The following RCHY1 variants were observed in gnomAD, a reference collection of about 807,000 sequenced individuals.
RCHY1 encodes the protein ring finger and CHY zinc finger domain containing 1.
A neutral mutation model predicts 41.6 loss-of-function variants in RCHY1; 21 were observed. The observed-to-expected ratio is 0.51, with a 90% CI of 0.36 to 0.73. RCHY1 has a LOEUF of 0.73. Ranked by LOEUF, RCHY1 falls within the 30% of genes least tolerant of loss-of-function variation. RCHY1 has a pLI of 0.00. For missense variants in RCHY1, 265 were observed against 325.3 expected (o/e 0.81, Z 1.43); for synonymous variants, 79 against 102.9 (o/e 0.77, Z 1.41).
Position 75,491,603 on chromosome 4 carries a change from A to ACACT in RCHY1, c.536+4_536+7dup. On this transcript the variant is annotated splice_region_variant and intron_variant, in intron 7 of 8. Transcript: ENST00000324439. ...CTTACAATTATTTTTAAAATCCCAA[A>ACACT]CACTCACTCTTTCAACATTTCTTCA... The ACACT allele has an allele frequency of 1.2e-6, 2 of 1,600,124 alleles. No homozygotes were observed. Among genetic ancestry groups the ACACT allele is most frequent in the Non-Finnish European group, 1.7e-6 (2 of 1,168,668 alleles).
At chr4:75,485,176 G>A (rs1267872008) in intron 8 of RCHY1, among the ~76,000 whole-genome samples, 1 of 152,192 alleles carries the variant, frequency 6.6e-6, no homozygotes, top group African/African-American at 2.4e-5. Flanking sequence ...CTGTGCCCAG[G>A]CATGGACATG....
At chr4:75,502,529 G>A (rs1288935019) in intron 3 of RCHY1, among the ~76,000 whole-genome samples, 1 of 152,066 alleles carries the variant, frequency 6.6e-6, no homozygotes, top group East Asian at 1.9e-4. Context: ...GCCAGAGTGA[G>A]ACTCCGTCTC....
chr4:75,508,718 T>G, intron 3 of RCHY1, 102 bp downstream of exon 3: 1 of 586,964 alleles, frequency 1.7e-6, no homozygotes, highest in South Asian at 2.8e-5. Flanking sequence ...AAAATGAATG[T>G]ATCTTATCAG....
intron 3 of RCHY1, among the ~76,000 whole-genome samples, chr4:75,507,669 C>T (rs1003959300): frequency 6.6e-6 from 1 of 151,768 alleles, no homozygotes; most frequent in Admixed American, 6.6e-5. Flanking sequence ...AAAAACTCAT[C>T]GAAAGAAAGC....
chr4:75,514,063 C>T, intron 1 of RCHY1, 134 bp downstream of exon 1: 2 of 1,394,780 alleles, frequency 1.4e-6, no homozygotes, highest in Non-Finnish European at 9.6e-7. Context: ...CAAGAAGAAC[C>T]CAGTTCCAGG....
intron 8 of RCHY1, among the ~76,000 whole-genome samples, chr4:75,487,338 G>C (rs1055785396): frequency 9.3e-5 from 14 of 150,568 alleles, no homozygotes; most frequent in African/African-American, 2.9e-4. Context: ...GTCTCACGCT[G>C]TCTCAGGACT....
rs190956013 is a variant in RCHY1 at position 75,485,791 on chromosome 4, A to G, written c.658-3125T>C. 2.0e-3 allele frequency among the ~76,000 whole-genome samples: 302 copies of G among 152,332 alleles called. 1 individual carries two copies. Among genetic ancestry groups the G allele is most frequent in the African/African-American group, 7.1e-3 (295 of 41,584 alleles). On this transcript the variant is annotated intron_variant, in intron 8 of 8. Transcript: ENST00000324439. ...CCAGCAAATGAGAATCCTTTAGGAA[A>G]GCTCTAAGATCTGCTTCTGTCTGTG...
intron 3 of RCHY1, among the ~76,000 whole-genome samples, chr4:75,503,313 C>G (rs1436518087): frequency 1.3e-5 from 2 of 152,036 alleles, no homozygotes; most frequent in Non-Finnish European, 2.9e-5. Context: ...ATCCTATAAG[C>G]AATAAATCAG....
intron 3 of RCHY1, among the ~76,000 whole-genome samples, chr4:75,497,141 G>A (rs746008297): frequency 2.6e-5 from 4 of 152,054 alleles, no homozygotes; most frequent in Admixed American, 6.6e-5. Context: ...GAAACTATCC[G>A]AAATGAAATA....
Position 75,490,712 on chromosome 4 carries a change from TAGAA to T in RCHY1, c.537-15_537-12del, listed in dbSNP as rs1373633544. The T allele has an allele frequency of 1.0e-5, 16 of 1,589,516 alleles. No homozygotes were observed. Among genetic ancestry groups the T allele is most frequent in the Non-Finnish European group, 1.4e-5 (16 of 1,166,140 alleles). On this transcript the variant is annotated splice_polypyrimidine_tract_variant and intron_variant, in intron 7 of 8. Coordinates refer to ENST00000324439, the MANE Select transcript of RCHY1 (RefSeq NM_015436.4). ...GGACATCTGTAGCCTCTGAAAGAGA[TAGAA>T]AGGTTATTTTCCAAATATTAAACAA... is the stretch of plus-strand genomic sequence containing the variant.
At chr4:75,513,426 G>T (rs7664140) in intron 1 of RCHY1, among the ~76,000 whole-genome samples, 103,154 of 152,060 alleles carry the variant, frequency 0.68, 36,103 homozygotes, top group African/African-American at 0.86. Flanking sequence ...AAACAGGCGC[G>T]ATCATCTCCA....
At chr4:75,505,601 A>G (rs1480191986) in intron 3 of RCHY1, among the ~76,000 whole-genome samples, 1 of 152,148 alleles carries the variant, frequency 6.6e-6, no homozygotes. Flanking sequence ...TTAGAAACAG[A>G]GCTCAGTAAA....
At chr4:75,514,457 A>C (rs1261777693), upstream of RCHY1, 3 of 684,268 alleles carry the variant, frequency 4.4e-6, no homozygotes, top group East Asian at 5.6e-5. Context: ...CGGGGCTACG[A>C]GGCGGAAGCG....
chr4:75,491,496 AT>A (rs1415310202), intron 7 of RCHY1, 114 bp downstream of exon 7: 2 of 885,166 alleles, frequency 2.3e-6, no homozygotes. Context: ...CCATTTCAAT[AT>A]AAATATTGCC....
rs552193355 is a variant in RCHY1 at position 75,506,022 on chromosome 4, G to A, written c.326+2798C>T. On this transcript the variant is annotated intron_variant, in intron 3 of 8. Coordinates refer to ENST00000324439, the MANE Select transcript of RCHY1 (RefSeq NM_015436.4). ...TTGGAGTCCAGATTCCACCACGAAA[G>A]AGATGGGCCTGGTAAACAACCCTAG... Among the ~76,000 whole-genome samples, 87 of 149,256 alleles carry A rather than the reference G, an allele frequency of 5.8e-4. 2 individuals are homozygous for A. The highest frequency in any genetic ancestry group is 3.0e-5 in the Non-Finnish European group (2 of 67,696).
In RCHY1 at chr4:75,480,350, A is replaced by G. The variant is rs1228970652; in HGVS notation, c.*2188T>C. On this transcript the variant is annotated 3_prime_UTR_variant, in exon 9 of 9. Coordinates refer to ENST00000324439, the MANE Select transcript of RCHY1 (RefSeq NM_015436.4). Reference sequence around the variant, plus strand: ...TAATCTATCAAATCATGAGCGCTTCAATGATATGGATGACTAGCTGTGAGG... The same window carrying G: ...TAATCTATCAAATCATGAGCGCTTCGATGATATGGATGACTAGCTGTGAGG... 1 of 152,188 alleles carries G rather than the reference A, an allele frequency of 6.6e-6. No homozygotes were observed. The highest frequency in any genetic ancestry group is 1.5e-5 in the Non-Finnish European group (1 of 68,034). 9.4% of individuals were successfully genotyped at this position (152,188 alleles called of 1,614,324 possible). A position where few individuals can be genotyped will look rare whatever the true frequency, so the allele number is the denominator to read the frequency against.
intron 3 of RCHY1, among the ~76,000 whole-genome samples, chr4:75,506,650 A>G (rs1487865935): frequency 6.6e-6 from 1 of 152,076 alleles, no homozygotes; most frequent in South Asian, 2.1e-4. Flanking sequence ...GAAAAAAAAA[A>G]AGAGACATGG....
intron 8 of RCHY1, among the ~76,000 whole-genome samples, chr4:75,487,498 AAT>A (rs1227580184): frequency 1.5e-4 from 17 of 112,678 alleles, no homozygotes; most frequent in Admixed American, 5.2e-4. Flanking sequence ...ATATATTCAT[AAT>A]ATATATATTC....
chr4:75,508,477 A>C (rs1413873933), intron 3 of RCHY1, among the ~76,000 whole-genome samples: 1 of 152,122 alleles, frequency 6.6e-6, no homozygotes, highest in Non-Finnish European at 1.5e-5. Flanking sequence ...ATTTTTACAA[A>C]GGAAAAATTT....
Sources: gnomAD v4.1 joint callset for allele counts (sites outside exome capture counted in the v4.1 genomes callset) on GRCh38, gnomAD v4.1.1 for gene constraint, MANE v1.5 for transcripts, NCBI Gene and HGNC (gene_info 2026-07-23, HGNC 2026-07-21) for gene names.